Variants in MTA3 observed in about 807,000 individuals in gnomAD.
MTA3 encodes the protein metastasis-associated protein MTA3.
MTA3 carries 34 observed loss-of-function variants against 83.5 expected under a neutral mutation model. The observed-to-expected ratio is 0.41, with a 90% CI of 0.31 to 0.54. MTA3 has a LOEUF of 0.54. MTA3 is among the 20% of genes least tolerant of loss of function. The probability of loss-of-function intolerance (pLI) is 0.33; values close to 1 mark genes in which losing one functional copy is unlikely to be tolerated. For synonymous variants in MTA3, 303 were observed against 252.7 expected (o/e 1.20, Z -1.89); for missense variants, 761 against 726.4 (o/e 1.05, Z -0.55).
intron 2 of MTA3, among the ~76,000 whole-genome samples, chr2:42,551,910 T>G (rs1015732975): frequency 2.0e-5 from 3 of 152,040 alleles, no homozygotes; most frequent in African/African-American, 7.2e-5. Flanking sequence ...GTATTTTTAG[T>G]AGAGACGGGG....
intron 16 of MTA3, among the ~76,000 whole-genome samples, chr2:42,746,533 G>A (rs180931265): frequency 6.6e-6 from 1 of 152,234 alleles, no homozygotes; most frequent in African/African-American, 2.4e-5. Flanking sequence ...TATAGATTGA[G>A]GGCTCTCCCA....
upstream of MTA3, among the ~76,000 whole-genome samples, chr2:42,567,780 T>C (rs1381293123): frequency 6.6e-6 from 1 of 152,132 alleles, no homozygotes; most frequent in South Asian, 2.1e-4. Context: ...ATGAAACTGA[T>C]TGAATACAAT....
At position 42,665,155 on chromosome 2, in the gene MTA3, T is replaced by A. The variant is rs1448794365; in HGVS notation, c.702+5293T>A. ...TGGCTCACGCCTGTAATCCTAGCAC[T>A]TTGGGAGGCCAAGGCAGGTGGGTCA... On this transcript the variant is annotated intron_variant, in intron 8 of 16. Transcript: ENST00000405094. Among the ~76,000 whole-genome samples the A allele has an allele frequency of 3.9e-5, 6 of 152,170 alleles. No individual in the cohort carries two copies. In the East Asian group the frequency reaches 1.2e-3, roughly 29 times the overall value.
chr2:42,657,665 T>C (rs1689288714), intron 7 of MTA3, among the ~76,000 whole-genome samples: 1 of 151,586 alleles, frequency 6.6e-6, no homozygotes, highest in Admixed American at 6.6e-5. Context: ...TGGTGGCTTA[T>C]GCATGTAACC....
At chr2:42,497,933 G>A (rs920891245) in intron 2 of MTA3, among the ~76,000 whole-genome samples, 1 of 152,160 alleles carries the variant, frequency 6.6e-6, no homozygotes, top group African/African-American at 2.4e-5. Flanking sequence ...ACCAACAACA[G>A]AGTAACCTGA....
At chr2:42,576,770 G>A (rs1038476853) in intron 2 of MTA3, among the ~76,000 whole-genome samples, 1 of 152,132 alleles carries the variant, frequency 6.6e-6, no homozygotes, top group Non-Finnish European at 1.5e-5. Flanking sequence ...GGTGGCGCAT[G>A]CCTGTAATCC....
intron 2 of MTA3, among the ~76,000 whole-genome samples, chr2:42,534,801 T>C (rs1231334805): frequency 1.3e-5 from 2 of 152,046 alleles, no homozygotes; most frequent in African/African-American, 4.8e-5. Context: ...GTGGATTCCT[T>C]TTTTTAGAAA....
chr2:42,576,836 G>T (rs1440423021), intron 2 of MTA3, among the ~76,000 whole-genome samples: 1 of 152,138 alleles, frequency 6.6e-6, no homozygotes, highest in Non-Finnish European at 1.5e-5. Context: ...GGCGGAAGTT[G>T]CAGTGAGCTG....
chr2:42,671,050 A>G (rs924240957), intron 8 of MTA3, among the ~76,000 whole-genome samples: 2 of 151,918 alleles, frequency 1.3e-5, no homozygotes, highest in African/African-American at 2.4e-5. Context: ...TTGTATCTTC[A>G]TAGTCTCTTT....
At chr2:42,697,870 GTCTTAATTT>G (rs761381913) in intron 11 of MTA3, 36 bp downstream of exon 11, 4 of 1,419,360 alleles carry the variant, frequency 2.8e-6, no homozygotes, top group Admixed American at 5.6e-5. Flanking sequence ...ATTTGTTTTG[GTCTTAATTT>G]TATCATTGCA....
At chr2:42,526,598 T>G (rs1039125711) in intron 2 of MTA3, among the ~76,000 whole-genome samples, 3 of 152,204 alleles carry the variant, frequency 2.0e-5, no homozygotes, top group African/African-American at 7.2e-5. Context: ...TCCCCTATTT[T>G]GGGACCATGA....
rs751331831 is a variant in MTA3, at chr2:42,756,409, C to T, written c.*3010C>T. 2.6e-5 allele frequency: 25 copies of T among 952,940 alleles called. No homozygotes were observed. The highest frequency in any genetic ancestry group is 5.3e-5 in the African/African-American group (3 of 56,560). 59.0% of individuals were successfully genotyped at this position (952,940 alleles called of 1,614,324 possible). A position where few individuals can be genotyped will look rare whatever the true frequency, so the allele number is the denominator to read the frequency against. On this transcript the variant is annotated 3_prime_UTR_variant, in exon 17 of 17. Transcript: ENST00000405094. The stretch of plus-strand genomic sequence containing the variant: ...AGCTGCCCTGGGAGCCTGGGACAGG[C>T]GACCCACCGGGTCAGTCCCCTGCCA...
intron 3 of MTA3, among the ~76,000 whole-genome samples, chr2:42,595,043 A>G (rs1465274197): frequency 3.8e-5 from 5 of 132,820 alleles, no homozygotes; most frequent in African/African-American, 1.4e-4. Context: ...GTGAGCCACC[A>G]CACTGGGCCA....
chr2:42,554,365 A>T (rs1476549081), intron 2 of MTA3, among the ~76,000 whole-genome samples: 1 of 152,230 alleles, frequency 6.6e-6, no homozygotes, highest in Non-Finnish European at 1.5e-5. Flanking sequence ...TGCTCGATGT[A>T]AGAATCACAA....
chr2:42,537,683 TG>T (rs1676310391), intron 2 of MTA3, among the ~76,000 whole-genome samples: 1 of 152,150 alleles, frequency 6.6e-6, no homozygotes, highest in Non-Finnish European at 1.5e-5. Flanking sequence ...CGAAATGCAT[TG>T]CGTAATCATT....
At chr2:42,693,082 C>G (rs536965139) in intron 9 of MTA3, among the ~76,000 whole-genome samples, 35 of 22,554 alleles carry the variant, frequency 1.6e-3, no homozygotes, top group Non-Finnish European at 2.5e-3. Flanking sequence ...GAAACAGTGT[C>G]TCTCCCTCTC....
intron 16 of MTA3, among the ~76,000 whole-genome samples, chr2:42,725,437 A>G (rs1312793363): frequency 6.6e-6 from 1 of 152,270 alleles, no homozygotes; most frequent in African/African-American, 2.4e-5. Flanking sequence ...TCAGCAAAGT[A>G]GAAACTATAT....
Position 42,723,001 on chromosome 2 carries a change from G to A in MTA3, c.1725G>A (p.Gly575=). 7 of 1,550,954 alleles carry A rather than the reference G, an allele frequency of 4.5e-6. No homozygotes were observed. The highest frequency in any genetic ancestry group is 6.1e-6 in the Non-Finnish European group (7 of 1,147,058). ...TPNHTSLSIL[G]KRNYSHHNGL... ...ATCACACATCTCTGAGCATTCTGGG[G>A]AAAAGAAACTACAGTCATCACAATG... is the stretch of plus-strand genomic sequence containing the variant. Residue 575 remains glycine (G), a synonymous_variant, in exon 16 of 17, where the codon GGG becomes GGA. Transcript: ENST00000405094.
Position 42,721,835 on chromosome 2 carries a change from G to C in MTA3, c.1613-1054G>C, listed in dbSNP as rs527879133. 1.1e-4 allele frequency among the ~76,000 whole-genome samples: 16 copies of C among 152,292 alleles called. No homozygotes were observed. In the South Asian group the frequency reaches 3.1e-3, roughly 30 times the overall value. On this transcript the variant is annotated intron_variant, in intron 15 of 16. Coordinates refer to ENST00000405094, the MANE Select transcript of MTA3 (RefSeq NM_001330442.2). ...AAGCAGCTTGTTTGGTCTAGATGGA[G>C]CATAGACTGTGGAGGTTAAATGAAA...
Sources: allele counts gnomAD v4.1 joint callset (sites outside exome capture counted in the v4.1 genomes callset), GRCh38; gene constraint gnomAD v4.1.1; transcripts MANE v1.5; gene names NCBI Gene and HGNC (gene_info 2026-07-23, HGNC 2026-07-21).